The following HDAC4 variants were observed in gnomAD, a reference collection of about 807,000 sequenced individuals.
HDAC4 encodes histone deacetylase 4.
A neutral mutation model predicts 135.1 loss-of-function variants in HDAC4; 16 were observed. The observed-to-expected ratio is 0.12, with a 90% CI of 0.08 to 0.18. The LOEUF is 0.18. HDAC4 is among the 10% of genes least tolerant of loss of function. The probability of loss-of-function intolerance (pLI) is 1.00; values close to 1 mark genes in which losing one functional copy is unlikely to be tolerated. For synonymous variants in HDAC4, 685 were observed against 653.4 expected (o/e 1.05, Z -0.74); for missense variants, 1,143 against 1,511.8 (o/e 0.76, Z 4.05).
intron 7 of HDAC4, 49 bp from the exon 8 acceptor site, chr2:239,144,763 A>T (rs760850331): frequency 6.3e-7 from 1 of 1,596,140 alleles, no homozygotes; most frequent in South Asian, 1.1e-5. Flanking sequence ...CCACTGGCTC[A>T]AGGTTATCCT....
intron 12 of HDAC4, among the ~76,000 whole-genome samples, chr2:239,116,767 C>T (rs939608854): frequency 1.4e-4 from 21 of 152,336 alleles, no homozygotes; most frequent in Admixed American, 4.6e-4. Flanking sequence ...CTCCCGACCA[C>T]GCCGCTGGCT....
intron 18 of HDAC4, among the ~76,000 whole-genome samples, chr2:239,088,383 G>C (rs1219299351): frequency 6.6e-6 from 1 of 152,258 alleles, no homozygotes; most frequent in Non-Finnish European, 1.5e-5. Flanking sequence ...ACCAGGCTCA[G>C]GAAGGGGCGA....
intron 3 of HDAC4, among the ~76,000 whole-genome samples, chr2:239,218,313 G>A (rs1016485257): frequency 4.6e-5 from 7 of 151,666 alleles, no homozygotes; most frequent in South Asian, 2.1e-4. Context: ...AAATAACACC[G>A]CATATCTACA....
chr2:239,209,061 T>C (rs1203193140), intron 3 of HDAC4, among the ~76,000 whole-genome samples: 1 of 152,138 alleles, frequency 6.6e-6, no homozygotes, highest in Non-Finnish European at 1.5e-5. Flanking sequence ...ATTATTATTT[T>C]TTAAAGAGGG....
Position 239,273,904 on chromosome 2 carries a change from T to G in HDAC4, c.23-37240A>C, listed in dbSNP as rs534117131. On this transcript the variant is annotated intron_variant, in intron 2 of 26. Transcript: ENST00000543185. Reference sequence around the variant, plus strand: ...TACAAAAAGAAAAGAGACTGAAAACTTTTTGAGACAATGGGGATTTTAAAT... The same window carrying G: ...TACAAAAAGAAAAGAGACTGAAAACGTTTTGAGACAATGGGGATTTTAAAT... Among the ~76,000 whole-genome samples, 130 of 152,030 alleles carry G rather than the reference T, an allele frequency of 8.6e-4. 1 individual carries two copies. Among genetic ancestry groups the G allele is most frequent in the African/African-American group, 3.1e-3 (126 of 41,298 alleles).
At chr2:239,210,258 G>C (rs908777721) in intron 3 of HDAC4, among the ~76,000 whole-genome samples, 1 of 152,020 alleles carries the variant, frequency 6.6e-6, no homozygotes, top group Non-Finnish European at 1.5e-5. Flanking sequence ...GAAAGTGAAC[G>C]AATCCCAGCC....
At chr2:239,166,148 C>T (rs567558077) in intron 5 of HDAC4, among the ~76,000 whole-genome samples, 40 of 152,266 alleles carry the variant, frequency 2.6e-4, no homozygotes, top group African/African-American at 8.2e-4. Context: ...GTGTTCCCTA[C>T]GGCAGAACCC....
At position 239,352,987 on chromosome 2, in the gene HDAC4, C is replaced by T; in HGVS notation, c.-219-69G>A. On this transcript the variant is annotated intron_variant, in intron 1 of 26. Coordinates refer to ENST00000543185, the MANE Select transcript of HDAC4 (RefSeq NM_001378414.1). The surrounding 1 kb of genome is among the most constrained non-coding windows in gnomAD (Gnocchi z 4.4). ...AAGTTCCGATCTGGAAAACAACATC[C>T]AACTAGGGAAATGATGACTTCCTCT... The T allele has an allele frequency of 2.2e-6, 1 of 455,336 alleles. No homozygotes were observed. The highest frequency in any genetic ancestry group is 4.0e-5 in the East Asian group (1 of 24,796). 28.2% of individuals were successfully genotyped at this position (455,336 alleles called of 1,614,324 possible). A position where few individuals can be genotyped will look rare whatever the true frequency, so the allele number is the denominator to read the frequency against.
At position 239,331,398 on chromosome 2, in the gene HDAC4, C is replaced by A. The variant is rs529153663; in HGVS notation, c.22+21280G>T. ...CATTTATAAGGTGCGACATAAATCA[C>A]CTCATAAAATATCTGAATAAAAGTG... On this transcript the variant is annotated intron_variant, in intron 2 of 26. Transcript: ENST00000543185. The surrounding 1 kb of genome is among the most constrained non-coding windows in gnomAD (Gnocchi z 4.5). Among the ~76,000 whole-genome samples the A allele has an allele frequency of 7.2e-5, 11 of 152,168 alleles. No homozygotes were observed. In the East Asian group the frequency reaches 2.1e-3, roughly 29 times the overall value.
intron 16 of HDAC4, among the ~76,000 whole-genome samples, chr2:239,098,687 T>C (rs1031799806): frequency 1.3e-5 from 2 of 152,164 alleles, no homozygotes; most frequent in Non-Finnish European, 2.9e-5. Flanking sequence ...TAGCGGCTTG[T>C]GGATTCCATT....
chr2:239,188,919 T>A (rs2044721642), intron 4 of HDAC4, among the ~76,000 whole-genome samples: 1 of 152,246 alleles, frequency 6.6e-6, no homozygotes, highest in Non-Finnish European at 1.5e-5. Context: ...ACCCTGCAGA[T>A]GAGACCACAG....
chr2:239,072,460 A>G (rs1454066572), intron 22 of HDAC4, among the ~76,000 whole-genome samples: 6 of 152,124 alleles, frequency 3.9e-5, no homozygotes, highest in African/African-American at 1.4e-4. Flanking sequence ...TACTTCCTGG[A>G]GCTGCTCAGC....
Position 239,285,449 on chromosome 2 carries a change from T to C in HDAC4, c.23-48785A>G, listed in dbSNP as rs1342276701. On this transcript the variant is annotated intron_variant, in intron 2 of 26. Coordinates refer to ENST00000543185, the MANE Select transcript of HDAC4 (RefSeq NM_001378414.1). The surrounding 1 kb of genome is among the most constrained non-coding windows in gnomAD (Gnocchi z 4.5). ...TCCACCGAGGCTGGGGCTTCGCTAG[T>C]GTGCGGGGAGGCAGAGGAGCAGTGC... Among the ~76,000 whole-genome samples the C allele has an allele frequency of 2.6e-5, 4 of 152,094 alleles. No homozygotes were observed. The highest frequency in any genetic ancestry group is 1.9e-4 in the East Asian group (1 of 5,170).
chr2:239,105,392 G>A (rs1036111375), intron 15 of HDAC4, among the ~76,000 whole-genome samples: 3 of 152,154 alleles, frequency 2.0e-5, no homozygotes, highest in Non-Finnish European at 2.9e-5. Context: ...GGCGGGGCCC[G>A]CACACACACA....
rs2106359848 is a variant in HDAC4, at chr2:239,050,376, G to C, written c.*2721C>G. The C allele has an allele frequency of 6.6e-6, 1 of 152,368 alleles. No individual in the cohort carries two copies. The highest frequency in any genetic ancestry group is 2.1e-4 in the South Asian group (1 of 4,824). The allele number at this position is 152,368 out of a possible 1,614,324, so 9.4% of individuals were successfully genotyped here. On this transcript the variant is annotated 3_prime_UTR_variant, in exon 27 of 27. Coordinates refer to ENST00000543185, the MANE Select transcript of HDAC4 (RefSeq NM_001378414.1). ...AAGAGGGCAGGTGGCAGGATCCCCA[G>C]AGGGCTATGCAGAGAATGAGGCCAA...
chr2:239,240,718 G>A lies in HDAC4; in HGVS notation c.23-4054C>T, dbSNP rs568536819. Among the ~76,000 whole-genome samples the A allele has an allele frequency of 9.8e-5, 15 of 152,296 alleles. No homozygotes were observed. The highest frequency in any genetic ancestry group is 3.4e-3 in the Middle Eastern group (1 of 294). On this transcript the variant is annotated intron_variant, in intron 2 of 26. Transcript: ENST00000543185. The surrounding 1 kb of genome is among the most constrained non-coding windows in gnomAD (Gnocchi z 4.5). ...GGAGGCCGAGGAGCACGGGTACCTC[G>A]TGTCCTCACCAGCACATGATGTGCC...
At chr2:239,348,689 A>G (rs1052822103) in intron 2 of HDAC4, among the ~76,000 whole-genome samples, 5 of 152,220 alleles carry the variant, frequency 3.3e-5, no homozygotes, top group Non-Finnish European at 5.9e-5. Context: ...GCCACAGCGC[A>G]TCCCCTCAGG....
At chr2:239,385,109 C>T (rs1277989679) in intron 1 of HDAC4, among the ~76,000 whole-genome samples, 3 of 152,228 alleles carry the variant, frequency 2.0e-5, no homozygotes, top group African/African-American at 7.2e-5. Context: ...GGGCACCTTG[C>T]TTCCCGGCCG....
intron 11 of HDAC4, among the ~76,000 whole-genome samples, chr2:239,128,359 T>A (rs973135658): frequency 7.2e-5 from 11 of 151,828 alleles, no homozygotes; most frequent in Admixed American, 7.2e-4. Context: ...CAAAACCCCG[T>A]CTCTACTAAA....
Sources: allele counts gnomAD v4.1 joint callset (sites outside exome capture counted in the v4.1 genomes callset), GRCh38; gene constraint gnomAD v4.1.1; non-coding constraint Gnocchi (gnomAD v3.1); transcripts MANE v1.5; gene names NCBI Gene and HGNC (gene_info 2026-07-23, HGNC 2026-07-21).